The following PRICKLE1 variants were observed in gnomAD, a reference collection of about 807,000 sequenced individuals.
PRICKLE1 encodes prickle planar cell polarity protein 1, also known as prickle-like protein 1.
In PRICKLE1, 14 loss-of-function variants were observed where a neutral mutation model predicts 70.2. That is an observed-to-expected ratio of 0.20 (90% CI 0.13 to 0.31). PRICKLE1 has a LOEUF of 0.31. Among genes scored for constraint, PRICKLE1 ranks in the 10% least tolerant of loss-of-function variants. PRICKLE1 has a pLI of 1.00. For synonymous variants in PRICKLE1, 357 were observed against 379.9 expected, an observed-to-expected ratio of 0.94 and a Z score of 0.70; for missense variants, 821 against 1,026.2, an observed-to-expected ratio of 0.80 and a Z score of 2.73.
chr12:42,470,524 G>A (rs1268903792), intron 2 of PRICKLE1, among the ~76,000 whole-genome samples, 165 bp from the exon 3 acceptor site: 1 of 152,212 alleles, frequency 6.6e-6, no homozygotes, highest in Non-Finnish European at 1.5e-5. Flanking sequence ...CAGATAACTA[G>A]CACCCAGCTG....
chr12:42,573,784 C>T (rs879502522), intron 1 of PRICKLE1, among the ~76,000 whole-genome samples: 1 of 152,138 alleles, frequency 6.6e-6, no homozygotes, highest in Non-Finnish European at 1.5e-5. Flanking sequence ...ATCCACCCGC[C>T]TTGGCCTCCC....
chr12:42,543,367 C>CTTT (rs35278944), intron 1 of PRICKLE1, among the ~76,000 whole-genome samples: 3,925 of 143,272 alleles, frequency 0.027, 91 homozygotes, highest in Non-Finnish European at 0.041. Context: ...ATGTATAACT[C>CTTT]TTTTTTTTTT....
chr12:42,569,204 A>T (rs1451794904), intron 1 of PRICKLE1, among the ~76,000 whole-genome samples: 1 of 152,238 alleles, frequency 6.6e-6, no homozygotes, highest in Non-Finnish European at 1.5e-5. Flanking sequence ...ATGTAAAGTT[A>T]AAACAGGTAT....
intron 1 of PRICKLE1, among the ~76,000 whole-genome samples, chr12:42,487,557 C>T (rs141156584): frequency 1.3e-5 from 2 of 152,206 alleles, no homozygotes; most frequent in Admixed American, 1.3e-4. Flanking sequence ...GGTAAACTCT[C>T]CCTTCACAGT....
intron 1 of PRICKLE1, among the ~76,000 whole-genome samples, chr12:42,516,062 T>C (rs1464995861): frequency 1.3e-5 from 2 of 152,196 alleles, no homozygotes; most frequent in African/African-American, 4.8e-5. Context: ...ATTTCTTTGG[T>C]GTTTTTACTT....
At chr12:42,525,829 A>T (rs904174960) in intron 1 of PRICKLE1, among the ~76,000 whole-genome samples, 1 of 151,370 alleles carries the variant, frequency 6.6e-6, no homozygotes, top group Non-Finnish European at 1.5e-5. Flanking sequence ...AATGTTGTTG[A>T]TGTAGGCAGT....
intron 1 of PRICKLE1, among the ~76,000 whole-genome samples, chr12:42,561,287 G>C (rs570352979): frequency 3.9e-5 from 6 of 152,164 alleles, no homozygotes; most frequent in Non-Finnish European, 8.8e-5. Flanking sequence ...CAATAGAAAA[G>C]TAGCAAGTAG....
At position 42,589,257 on chromosome 12, in the gene PRICKLE1, C is replaced by T. The variant is rs1464971452; in HGVS notation, c.-49+208G>A. 6.6e-6 allele frequency: 1 copy of T among 152,314 alleles called. No individual in the cohort carries two copies. The highest frequency in any genetic ancestry group is 2.4e-5 in the African/African-American group (1 of 41,464). 9.4% of individuals were successfully genotyped at this position (152,314 alleles called of 1,614,324 possible). A position where few individuals can be genotyped will look rare whatever the true frequency, so the allele number is the denominator to read the frequency against. ...CCTCTGCGGAGCCCTGGCGATGCTG[C>T]AGCCAATATCTGCTTTCCCTGTCTA... is the stretch of plus-strand genomic sequence containing the variant. On this transcript the variant is annotated intron_variant, in intron 1 of 7. Transcript: ENST00000345127. The surrounding 1 kb of genome is among the most constrained non-coding windows in gnomAD (Gnocchi z 5.0).
chr12:42,501,227 G>A (rs555665658), intron 1 of PRICKLE1, among the ~76,000 whole-genome samples: 9 of 152,208 alleles, frequency 5.9e-5, no homozygotes, highest in African/African-American at 2.2e-4. Context: ...GAGCAAGGCC[G>A]GGTGCGGTGG....
intron 1 of PRICKLE1, among the ~76,000 whole-genome samples, chr12:42,492,431 C>T (rs1437646579): frequency 6.6e-6 from 1 of 152,184 alleles, no homozygotes; most frequent in East Asian, 1.9e-4. Context: ...AACACTGTTA[C>T]CATGTGCTAT....
At chr12:42,542,187 G>T (rs1388523127) in intron 1 of PRICKLE1, among the ~76,000 whole-genome samples, 3 of 151,968 alleles carry the variant, frequency 2.0e-5, no homozygotes, top group African/African-American at 7.2e-5. Flanking sequence ...GAAATGCCAA[G>T]AATTTTGATA....
intron 1 of PRICKLE1, among the ~76,000 whole-genome samples, chr12:42,491,490 T>A (rs1327061682): frequency 1.3e-5 from 2 of 150,912 alleles, no homozygotes; most frequent in Non-Finnish European, 3.0e-5. Flanking sequence ...GAGGTGGAGG[T>A]TGCAGTGAGC....
chr12:42,502,456 C>T (rs937466829), intron 1 of PRICKLE1, among the ~76,000 whole-genome samples: 1 of 151,746 alleles, frequency 6.6e-6, no homozygotes, highest in African/African-American at 2.4e-5. Flanking sequence ...CATGAGCACA[C>T]ATCACCATGC....
chr12:42,561,929 CCAGA>C (rs1940523648), intron 1 of PRICKLE1, among the ~76,000 whole-genome samples: 1 of 96,482 alleles, frequency 1.0e-5, no homozygotes, highest in South Asian at 3.2e-4. Flanking sequence ...TTTTTTTTTT[CCAGA>C]CAGAGTTTTG....
intron 1 of PRICKLE1, chr12:42,485,239 GTTTTTTTTTTTTTTTTTT>G (rs556218718): frequency 9.9e-6 from 1 of 100,784 alleles, no homozygotes; most frequent in Non-Finnish European, 1.9e-5. Flanking sequence ...CAGCTGAGAA[GTTTTTTTTTTTTTTTTTT>G]TTTTTTTTTT....
At position 42,459,361 on chromosome 12, in the gene PRICKLE1, A is replaced by C. The variant is rs571674666; in HGVS notation, c.*448T>G. On this transcript the variant is annotated 3_prime_UTR_variant, in exon 8 of 8. Coordinates refer to ENST00000345127, the MANE Select transcript of PRICKLE1 (RefSeq NM_153026.3). ...GCCTCACAATAAGATGCACAGTGTTAGCTAGGTCATCGTGACAGGCATGCC... is the reference window on the plus strand; with the variant it reads ...GCCTCACAATAAGATGCACAGTGTTCGCTAGGTCATCGTGACAGGCATGCC... The C allele has an allele frequency of 1.3e-5, 9 of 702,372 alleles. No homozygotes were observed. Among genetic ancestry groups the C allele is most frequent in the Non-Finnish European group, 2.3e-5 (9 of 384,992 alleles). The allele number at this position is 702,372 out of a possible 1,614,324, so 43.5% of individuals were successfully genotyped here. A position where few individuals can be genotyped will look rare whatever the true frequency, so the allele number is the denominator to read the frequency against.
intron 1 of PRICKLE1, among the ~76,000 whole-genome samples, chr12:42,493,875 A>G (rs1939148788): frequency 6.6e-6 from 1 of 151,938 alleles, no homozygotes; most frequent in South Asian, 2.1e-4. Flanking sequence ...AAAAAAGAAA[A>G]GAAAAGAAAA....
intron 1 of PRICKLE1, among the ~76,000 whole-genome samples, chr12:42,476,686 C>T (rs1938549308): frequency 6.6e-6 from 1 of 152,054 alleles, no homozygotes; most frequent in Admixed American, 6.6e-5. Flanking sequence ...TTATCTGTCA[C>T]CCAGGCTGGA....
chr12:42,547,101 C>G (rs1000597632), intron 1 of PRICKLE1, among the ~76,000 whole-genome samples: 1 of 152,130 alleles, frequency 6.6e-6, no homozygotes, highest in Non-Finnish European at 1.5e-5. Flanking sequence ...GTGAAGTTAC[C>G]TTCTGTAGCT....
Sources: allele counts gnomAD v4.1 joint callset (sites outside exome capture counted in the v4.1 genomes callset), GRCh38; gene constraint gnomAD v4.1.1; non-coding constraint Gnocchi (gnomAD v3.1); transcripts MANE v1.5; gene names NCBI Gene and HGNC (gene_info 2026-07-23, HGNC 2026-07-21).